Variants in LOC400499 observed in about 807,000 individuals in gnomAD.
the LOC400499 span, chr16:11,439,463 C>A: frequency 1.3e-4 from 51 of 398,846 alleles, no homozygotes; most frequent in South Asian, 1.3e-4. Context: ...GAGTCAAGGT[C>A]ATCTCCAAGG....
chr16:11,439,720 C>A, the LOC400499 span: 6 of 394,434 alleles, frequency 1.5e-5, no homozygotes, highest in Non-Finnish European at 2.7e-5. Flanking sequence ...CTTAATATTC[C>A]TCAGCCCTCA....
the LOC400499 span, among the ~76,000 whole-genome samples, chr16:11,413,890 G>A: frequency 6.6e-6 from 1 of 152,192 alleles, no homozygotes; most frequent in Non-Finnish European, 1.5e-5. Flanking sequence ...ATTTGCCCAA[G>A]GCCACACAGC....
the LOC400499 span, among the ~76,000 whole-genome samples, chr16:11,436,145 T>C: frequency 6.6e-6 from 1 of 152,118 alleles, no homozygotes; most frequent in Non-Finnish European, 1.5e-5. Context: ...ACTGTACAAA[T>C]GGGGAAACTG....
the LOC400499 span, among the ~76,000 whole-genome samples, chr16:11,393,084 G>A: frequency 2.0e-5 from 3 of 152,006 alleles, no homozygotes; most frequent in East Asian, 3.9e-4. Flanking sequence ...TCGATCTCCT[G>A]ACCTTGTGAT....
chr16:11,500,308 G>C, the LOC400499 span, among the ~76,000 whole-genome samples: 1 of 152,046 alleles, frequency 6.6e-6, no homozygotes, highest in Non-Finnish European at 1.5e-5. Context: ...AGGAGTTCGA[G>C]ACCAGCCTGG....
At chr16:11,464,208 A>G in the LOC400499 span, among the ~76,000 whole-genome samples, 1 of 152,202 alleles carries the variant, frequency 6.6e-6, no homozygotes, top group African/African-American at 2.4e-5. Flanking sequence ...GTGTGCACAC[A>G]CGAATATACA....
chr16:11,435,415 A>T, the LOC400499 span, among the ~76,000 whole-genome samples: 62 of 152,258 alleles, frequency 4.1e-4, no homozygotes, highest in South Asian at 1.2e-3. Context: ...CCCTTTATAC[A>T]TTATCCTTTA....
At chr16:11,473,706 G>C in the LOC400499 span, among the ~76,000 whole-genome samples, 4 of 150,470 alleles carry the variant, frequency 2.7e-5, no homozygotes. Flanking sequence ...AGTGAGCCGA[G>C]ACCGCACCAT....
chr16:11,386,991 G>C, the LOC400499 span: 1 of 717,794 alleles, frequency 1.4e-6, no homozygotes, highest in Non-Finnish European at 1.9e-6. Flanking sequence ...TAGGACCTTG[G>C]GAAGTCCAGT....
chr16:11,415,947 CTGT>C, the LOC400499 span, among the ~76,000 whole-genome samples: 1 of 129,462 alleles, frequency 7.7e-6, no homozygotes, highest in African/African-American at 3.4e-5. Flanking sequence ...GTTTTTTTTG[CTGT>C]TGTTGTTTTG....
At chr16:11,440,028 G>C in the LOC400499 span, among the ~76,000 whole-genome samples, 3 of 152,022 alleles carry the variant, frequency 2.0e-5, no homozygotes, top group Admixed American at 2.0e-4. Context: ...AGGTTACACA[G>C]CTAGTTAACA....
chr16:11,465,044 C>T, the LOC400499 span, among the ~76,000 whole-genome samples: 1 of 152,226 alleles, frequency 6.6e-6, no homozygotes, highest in South Asian at 2.1e-4. Context: ...GCTCCGGCTT[C>T]AGATGCTCCA....
the LOC400499 span, among the ~76,000 whole-genome samples, chr16:11,489,911 T>C: frequency 6.6e-6 from 1 of 152,156 alleles, no homozygotes. Flanking sequence ...GGGCCAAAGG[T>C]AGCTGTGCAG....
chr16:11,506,390 C>T, the LOC400499 span, among the ~76,000 whole-genome samples: 2 of 152,308 alleles, frequency 1.3e-5, no homozygotes, highest in East Asian at 3.9e-4. Context: ...AGTCTACTCA[C>T]CCACTCTTGT....
chr16:11,519,620 C>T, the LOC400499 span, among the ~76,000 whole-genome samples: 87 of 151,584 alleles, frequency 5.7e-4, no homozygotes, highest in Non-Finnish European at 9.1e-4. Context: ...TGAAGTTCTG[C>T]TACATCCTAC....
At chr16:11,476,091 G>A in the LOC400499 span, among the ~76,000 whole-genome samples, 1 of 151,978 alleles carries the variant, frequency 6.6e-6, no homozygotes, top group African/African-American at 2.4e-5. Context: ...AAAGGCCCTG[G>A]GGTAGGAACA....
At chr16:11,459,979 T>C in the LOC400499 span, 1 of 1,517,562 alleles carries the variant, frequency 6.6e-7, no homozygotes, top group African/African-American at 1.4e-5. Context: ...TTGCTGTTCT[T>C]GTCCCAGTGC....
At chr16:11,419,926 T>C in the LOC400499 span, among the ~76,000 whole-genome samples, 1 of 151,092 alleles carries the variant, frequency 6.6e-6, no homozygotes, top group Non-Finnish European at 1.5e-5. Flanking sequence ...ATGGCAATCA[T>C]TAAAAAGTCA....
chr16:11,448,978 A>G, the LOC400499 span: 1 of 1,507,884 alleles, frequency 6.6e-7, no homozygotes, highest in South Asian at 1.2e-5. Flanking sequence ...CCTTTCAACC[A>G]GCAGTTCAGG....
Sources: gnomAD v4.1 joint callset for allele counts (sites outside exome capture counted in the v4.1 genomes callset) on GRCh38, gnomAD v4.1.1 for gene constraint, MANE v1.5 for transcripts.